MACROD1: variants seen among roughly 807,000 people sequenced by gnomAD.
MACROD1 encodes mono-ADP ribosylhydrolase 1.
Under a neutral mutation model 41.4 loss-of-function variants are expected in MACROD1, and 31 were observed. The observed-to-expected ratio is 0.75, with a 90% CI of 0.56 to 1.01. The LOEUF is 1.01. Ranked by LOEUF, MACROD1 falls within the 50% of genes least tolerant of loss-of-function variation. The probability of loss-of-function intolerance (pLI) is 0.00; values close to 1 mark genes in which losing one functional copy is unlikely to be tolerated. For missense variants in MACROD1, 473 were observed against 460.0 expected (o/e 1.03, Z -0.26); for synonymous variants, 252 against 203.4 (o/e 1.24, Z -2.03).
At chr11:64,039,627 GC>G (rs1427087953) in intron 3 of MACROD1, among the ~76,000 whole-genome samples, 5 of 152,244 alleles carry the variant, frequency 3.3e-5, no homozygotes, top group Admixed American at 1.3e-4. Flanking sequence ...CGGACAGCCT[GC>G]CTGGAGTTCT....
intron 1 of MACROD1, among the ~76,000 whole-genome samples, chr11:64,159,938 A>G (rs529441285): frequency 2.3e-4 from 35 of 152,334 alleles, no homozygotes; most frequent in African/African-American, 6.5e-4. Flanking sequence ...GTACATACCT[A>G]GAGGGAGAAT....
intron 1 of MACROD1, among the ~76,000 whole-genome samples, chr11:64,156,195 C>G (rs1029153218): frequency 7.2e-5 from 11 of 151,810 alleles, no homozygotes; most frequent in African/African-American, 2.7e-4. Flanking sequence ...GCAGGAGGAT[C>G]GCTTCAGCCT....
intron 3 of MACROD1, among the ~76,000 whole-genome samples, chr11:64,035,672 C>G (rs1177015327): frequency 2.7e-5 from 4 of 148,736 alleles, no homozygotes; most frequent in Non-Finnish European, 6.0e-5. Flanking sequence ...CGCAGCCTCC[C>G]GCGCCGGGTC....
At chr11:64,099,925 A>C (rs1590906988) in intron 3 of MACROD1, among the ~76,000 whole-genome samples, 1 of 152,088 alleles carries the variant, frequency 6.6e-6, no homozygotes, top group East Asian at 1.9e-4. Flanking sequence ...GGATGGATGG[A>C]GGGGTGCACA....
chr11:64,108,344 G>A (rs1016973946), intron 3 of MACROD1, among the ~76,000 whole-genome samples: 1 of 151,940 alleles, frequency 6.6e-6, no homozygotes, highest in African/African-American at 2.4e-5. Flanking sequence ...TGAGACCCAG[G>A]GCCACCCCAC....
intron 3 of MACROD1, among the ~76,000 whole-genome samples, chr11:64,138,014 C>T (rs1286913724): frequency 6.6e-6 from 1 of 152,198 alleles, no homozygotes; most frequent in East Asian, 1.9e-4. Flanking sequence ...TACTGAATTC[C>T]AATGACTTGT....
intron 4 of MACROD1, among the ~76,000 whole-genome samples, chr11:64,013,628 C>G (rs904594): frequency 0.056 from 8,454 of 152,256 alleles, 462 homozygotes; most frequent in Admixed American, 0.16. Flanking sequence ...GCAGAAGAGA[C>G]TCGATGAGCT....
At chr11:64,044,007 GATTCACC>G (rs1943538175) in intron 3 of MACROD1, among the ~76,000 whole-genome samples, 1 of 152,016 alleles carries the variant, frequency 6.6e-6, no homozygotes, top group South Asian at 2.1e-4. Context: ...TAGAGACGGG[GATTCACC>G]ATGTTAGGCA....
chr11:64,002,671 C>G (rs573082002), intron 4 of MACROD1, among the ~76,000 whole-genome samples: 2 of 152,196 alleles, frequency 1.3e-5, no homozygotes, highest in African/African-American at 4.8e-5. Flanking sequence ...GGAACCCCCC[C>G]ACCCTGCTCT....
intron 3 of MACROD1, chr11:64,060,532 G>A (rs1943879325): frequency 1.3e-5 from 2 of 152,238 alleles, no homozygotes; most frequent in African/African-American, 2.4e-5. Context: ...TGTGTGCTGT[G>A]AGGGGTACCC....
intron 3 of MACROD1, among the ~76,000 whole-genome samples, chr11:64,099,585 T>G (rs1944635751): frequency 6.7e-6 from 1 of 150,268 alleles, no homozygotes; most frequent in African/African-American, 2.5e-5. Flanking sequence ...GATGGACTGA[T>G]GGAGAGACGG....
At chr11:64,023,951 T>C (rs745583623) in intron 3 of MACROD1, among the ~76,000 whole-genome samples, 9 of 152,204 alleles carry the variant, frequency 5.9e-5, no homozygotes, top group Non-Finnish European at 1.3e-4. Flanking sequence ...TTGGGCTCTG[T>C]CTGCCTGGCT....
chr11:64,152,855 A>G (rs1316812584), intron 1 of MACROD1, among the ~76,000 whole-genome samples: 4 of 152,106 alleles, frequency 2.6e-5, no homozygotes, highest in Non-Finnish European at 5.9e-5. Flanking sequence ...CCTCACTGTC[A>G]CTGCATGCAG....
At chr11:64,157,386 G>C (rs1386839451) in intron 1 of MACROD1, among the ~76,000 whole-genome samples, 12 of 152,284 alleles carry the variant, frequency 7.9e-5, no homozygotes, top group Admixed American at 7.2e-4. Flanking sequence ...GAGCCACCGC[G>C]CCCGGCCTTG....
chr11:64,079,463 G>A (rs753723011), intron 3 of MACROD1, among the ~76,000 whole-genome samples: 15 of 152,160 alleles, frequency 9.9e-5, no homozygotes, highest in African/African-American at 3.1e-4. Context: ...ATGAGCAGCC[G>A]GGCACGCAGG....
At chr11:64,072,913 C>T (rs1944135052) in intron 3 of MACROD1, among the ~76,000 whole-genome samples, 1 of 152,180 alleles carries the variant, frequency 6.6e-6, no homozygotes, top group Admixed American at 6.5e-5. Flanking sequence ...TCAAAAGAGT[C>T]AGGTTCTCAA....
chr11:64,064,083 G>GTC lies in MACROD1; in HGVS notation c.518-48804_518-48803dup, dbSNP rs1369621129. Among the ~76,000 whole-genome samples, 5 of 152,108 alleles carry GTC rather than the reference G, an allele frequency of 3.3e-5. No individual in the cohort carries two copies. The highest frequency in any genetic ancestry group is 1.9e-4 in the East Asian group (1 of 5,194). On this transcript the variant is annotated intron_variant, in intron 3 of 10. Transcript: ENST00000255681. This position sits in a 1 kb window ranked among gnomAD's most constrained non-coding sequence, Gnocchi z 4.5. ...ACAGCGACACCCACACAAACCCGAG[G>GTC]TCTCTCTCTCTGCGCCCCCTATCTC... is the stretch of plus-strand genomic sequence containing the variant.
intron 3 of MACROD1, among the ~76,000 whole-genome samples, chr11:64,149,497 G>A (rs974791901): frequency 1.3e-5 from 2 of 152,206 alleles, no homozygotes; most frequent in African/African-American, 4.8e-5. Flanking sequence ...AGGAAGCAGT[G>A]TTAATCACGC....
At chr11:64,124,242 A>AGAGC (rs1945143041) in intron 3 of MACROD1, among the ~76,000 whole-genome samples, 1 of 152,178 alleles carries the variant, frequency 6.6e-6, no homozygotes, top group Non-Finnish European at 1.5e-5. Context: ...GGGCTGACAG[A>AGAGC]GAGCGCCTCC....
Sources: gnomAD v4.1 joint callset for allele counts (sites outside exome capture counted in the v4.1 genomes callset) on GRCh38, gnomAD v4.1.1 for gene constraint, Gnocchi (gnomAD v3.1) non-coding constraint, MANE v1.5 for transcripts, NCBI Gene and HGNC (gene_info 2026-07-23, HGNC 2026-07-21) for gene names.